The following SPATA13 variants were observed in gnomAD, a reference collection of about 807,000 sequenced individuals.
SPATA13 encodes spermatogenesis-associated protein 13.
In SPATA13, 50 loss-of-function variants were observed where a neutral mutation model predicts 104.0. The ratio of observed to expected loss-of-function variants is 0.48; its 90% CI spans 0.38 to 0.61. SPATA13 has a LOEUF of 0.61. Ranked by LOEUF, SPATA13 falls within the 20% of genes least tolerant of loss-of-function variation. The probability of loss-of-function intolerance (pLI) is 0.00; values close to 1 mark genes in which losing one functional copy is unlikely to be tolerated. For synonymous variants in SPATA13, 606 were observed against 667.5 expected (o/e 0.91, Z 1.42); for missense variants, 1,524 against 1,690.6 (o/e 0.90, Z 1.73).
At position 24,051,344 on chromosome 13, in the gene SPATA13, TG is replaced by T. The variant is rs1184640575; in HGVS notation, c.-112+33647del. 2.0e-5 allele frequency among the ~76,000 whole-genome samples: 3 copies of T among 152,256 alleles called. No individual in the cohort carries two copies. Among genetic ancestry groups the T allele is most frequent in the Non-Finnish European group, 4.4e-5 (3 of 68,048 alleles). On this transcript the variant is annotated intron_variant, in intron 3 of 14. Coordinates refer to the SPATA13 transcript ENST00000424834. The surrounding 1 kb of genome is among the most constrained non-coding windows in gnomAD (Gnocchi z 4.2). ...GCATTTCAGGTGAATGACCCTTGTCTGGGGTTGAAGATGAATCTTCCCCAGG... is the reference window on the plus strand; with the variant it reads ...GCATTTCAGGTGAATGACCCTTGTCTGGGTTGAAGATGAATCTTCCCCAGG...
At chr13:24,092,932 C>A (rs1207878984) in intron 3 of SPATA13, among the ~76,000 whole-genome samples, 2 of 152,160 alleles carry the variant, frequency 1.3e-5, no homozygotes, top group African/African-American at 4.8e-5. Context: ...TGTTTGGCAT[C>A]TTCTCATTAA....
intron 1 of SPATA13, among the ~76,000 whole-genome samples, chr13:23,980,822 C>T (rs1219088371): frequency 6.6e-6 from 1 of 152,144 alleles, no homozygotes; most frequent in African/African-American, 2.4e-5. Context: ...AAACTCCTGA[C>T]CTCAGGTGAT....
intron 7 of SPATA13, among the ~76,000 whole-genome samples, chr13:24,288,557 TCC>T (rs1566195383): frequency 1.4e-5 from 1 of 72,724 alleles, no homozygotes; most frequent in African/African-American, 4.0e-5. Context: ...GCTGGTGGAA[TCC>T]TTGGGTAAGA....
rs1870657389 is a variant in SPATA13 at position 24,205,577 on chromosome 13, A to T, written c.-111-17242A>T. ...TTAACATTCTTCACAGAATTAGAAA[A>T]AAACTATTTTAAAATTCATGTGGAC... On this transcript the variant is annotated intron_variant, in intron 1 of 12. Coordinates refer to ENST00000382108, the MANE Select transcript of SPATA13 (RefSeq NM_001166271.3). This position sits in a 1 kb window ranked among gnomAD's most constrained non-coding sequence, Gnocchi z 4.1. Among the ~76,000 whole-genome samples the T allele has an allele frequency of 6.6e-6, 1 of 152,212 alleles. No homozygotes were observed.
At chr13:23,991,614 T>C (rs1213325829) in intron 2 of SPATA13, among the ~76,000 whole-genome samples, 1 of 152,152 alleles carries the variant, frequency 6.6e-6, no homozygotes, top group East Asian at 1.9e-4. Flanking sequence ...TCCAATGCAT[T>C]GATAAGACTC....
chr13:24,122,276 A>G, intron 3 of SPATA13: 1 of 1,346,836 alleles, frequency 7.4e-7, no homozygotes, highest in Non-Finnish European at 1.1e-6. Flanking sequence ...ACGATTTTGA[A>G]TAGTTTGAAA....
At position 24,286,202 on chromosome 13, in the gene SPATA13, G is replaced by A. The variant is rs758016284; in HGVS notation, c.2302-12G>A. 6.9e-6 allele frequency: 11 copies of A among 1,603,226 alleles called. No individual in the cohort carries two copies. Among genetic ancestry groups the A allele is most frequent in the Middle Eastern group, 1.8e-4 (1 of 5,634 alleles). On this transcript the variant is annotated splice_polypyrimidine_tract_variant and intron_variant, in intron 5 of 12. Coordinates refer to ENST00000382108, the MANE Select transcript of SPATA13 (RefSeq NM_001166271.3). This position sits in a 1 kb window ranked among gnomAD's most constrained non-coding sequence, Gnocchi z 4.9. ...TGCTCTATGCTGAGCGCACCCCACT[G>A]TCTCCTTTCAGCTGATCAGTGATGG...
intron 3 of SPATA13, among the ~76,000 whole-genome samples, chr13:24,145,894 A>G (rs1006580135): frequency 1.3e-5 from 2 of 152,164 alleles, no homozygotes; most frequent in African/African-American, 4.8e-5. Context: ...ATGCTGATGG[A>G]GGGAAGGAGC....
intron 3 of SPATA13, among the ~76,000 whole-genome samples, chr13:24,141,180 A>AAG (rs1293582325): frequency 6.6e-6 from 1 of 151,660 alleles, no homozygotes; most frequent in Non-Finnish European, 1.5e-5. Flanking sequence ...GCTCAAAAAA[A>AAG]AAAAAGAAAA....
Position 24,284,119 on chromosome 13 carries a change from G to GT in SPATA13, c.2165-12dup. 6.3e-7 allele frequency: 1 copy of GT among 1,595,950 alleles called. No individual in the cohort carries two copies. Among genetic ancestry groups the GT allele is most frequent in the Non-Finnish European group, 8.6e-7 (1 of 1,167,496 alleles). On this transcript the variant is annotated splice_polypyrimidine_tract_variant and intron_variant, in intron 4 of 12. Transcript: ENST00000382108. ...GCTGTGTCTTTTAAATCATGCCTTT[G>GT]TTTTGTATGTTTTAGTTTCTTCAGA...
chr13:24,251,678 T>C, intron 3 of SPATA13, 40 bp from the exon 4 acceptor site: 27 of 1,609,036 alleles, frequency 1.7e-5, no homozygotes, highest in Non-Finnish European at 2.3e-5. Context: ...GAGCTGCCAC[T>C]TCCTGGTACC....
At chr13:24,158,631 C>A, upstream of SPATA13, among the ~76,000 whole-genome samples, 1 of 152,120 alleles carries the variant, frequency 6.6e-6, no homozygotes, top group East Asian at 1.9e-4. Context: ...TTATCCCAGG[C>A]GCTCAAAAGG....
chr13:24,032,276 T>C (rs1877510719), intron 3 of SPATA13, among the ~76,000 whole-genome samples: 1 of 152,206 alleles, frequency 6.6e-6, no homozygotes, highest in African/African-American at 2.4e-5. Context: ...CCATGCTGTA[T>C]TCAACACTGA....
chr13:24,006,193 G>A (rs1390651740), intron 2 of SPATA13, among the ~76,000 whole-genome samples: 2 of 152,096 alleles, frequency 1.3e-5, no homozygotes, highest in Non-Finnish European at 2.9e-5. Flanking sequence ...GGGTATAGAG[G>A]GTAAGTCTAA....
chr13:24,251,729 G>C lies in SPATA13; in HGVS notation c.2031G>C (p.Arg677Ser). 1 of 1,613,154 alleles carries C rather than the reference G, an allele frequency of 6.2e-7. No homozygotes were observed. Among genetic ancestry groups the C allele is most frequent in the Non-Finnish European group, 8.5e-7 (1 of 1,179,600 alleles). Residue 677 changes from arginine to serine, a missense_variant, in exon 4 of 13, where the codon AGG becomes AGC. This residue lies in a region of SPATA13 where 1,089 missense variants were observed against 1,135.9 expected (regional missense o/e 0.96). Transcript: ENST00000382108. ...CTTTCTTTTTGCAGCCGGCTTCCAG[G>C]CCGCCCATGCCTGCTCACCAGGTGC... ...LDNLLTQPAS[R>S]PPMPAHQVPP...
chr13:24,294,937 G>A (rs1485491431), intron 10 of SPATA13, 69 bp downstream of exon 10: 4 of 1,496,158 alleles, frequency 2.7e-6, no homozygotes, highest in Non-Finnish European at 3.7e-6. Flanking sequence ...TGGTGCAGAT[G>A]CACTTTAATA....
chr13:24,117,306 A>G lies in SPATA13; in HGVS notation c.-112+99605A>G, dbSNP rs148520336. 1.9e-3 allele frequency among the ~76,000 whole-genome samples: 283 copies of G among 152,278 alleles called. 3 individuals carry two copies. The highest frequency in any genetic ancestry group is 6.6e-3 in the African/African-American group (273 of 41,562). On this transcript the variant is annotated intron_variant, in intron 3 of 14. Coordinates refer to the SPATA13 transcript ENST00000424834. The stretch of plus-strand genomic sequence containing the variant: ...TGGTCTGATGTTAATTTTAGGAATT[A>G]GCCGTCACTGATTGGGCCTTGTCCA...
chr13:24,249,966 T>A, intron 3 of SPATA13, 124 bp downstream of exon 3: 1 of 1,274,318 alleles, frequency 7.8e-7, no homozygotes, highest in Non-Finnish European at 1.1e-6. Context: ...ACCATGTACT[T>A]AACCACCTTT....
intron 3 of SPATA13, among the ~76,000 whole-genome samples, chr13:24,069,775 T>C (rs1470574795): frequency 6.6e-6 from 1 of 152,244 alleles, no homozygotes; most frequent in Non-Finnish European, 1.5e-5. Context: ...CTGTTATTCA[T>C]GTAATATTAC....
Sources: allele counts gnomAD v4.1 joint callset (sites outside exome capture counted in the v4.1 genomes callset), GRCh38; gene constraint gnomAD v4.1.1; regional missense constraint gnomAD v4.1.1; non-coding constraint Gnocchi (gnomAD v3.1); transcripts MANE v1.5; gene names NCBI Gene and HGNC (gene_info 2026-07-23, HGNC 2026-07-21).